LINGO2: variants seen among roughly 807,000 people sequenced by gnomAD.
LINGO2 encodes leucine rich repeat and Ig domain containing 2, also known as leucine-rich repeat and immunoglobulin-like domain-containing nogo receptor-interacting protein 2.
Under a neutral mutation model 30.6 loss-of-function variants are expected in LINGO2, and 14 were observed. The observed-to-expected ratio is 0.46, with a 90% CI of 0.30 to 0.72. The LOEUF (loss-of-function observed/expected upper bound fraction) is 0.72. LINGO2 is among the 30% of genes least tolerant of loss of function. The pLI is 0.07. For missense variants in LINGO2, 729 were observed against 751.7 expected (o/e 0.97, Z 0.35); for synonymous variants, 317 against 288.5 (o/e 1.10, Z -1.00).
chr9:28,382,246 G>T (rs1821385034), intron 2 of LINGO2, among the ~76,000 whole-genome samples: 1 of 152,028 alleles, frequency 6.6e-6, no homozygotes, highest in Non-Finnish European at 1.5e-5. Context: ...ATCTCAGCTG[G>T]CTGCATTTAT....
At chr9:28,170,873 C>T (rs1828562040) in intron 4 of LINGO2, among the ~76,000 whole-genome samples, 1 of 152,194 alleles carries the variant, frequency 6.6e-6, no homozygotes, top group Non-Finnish European at 1.5e-5. Context: ...ATCTTCCCAT[C>T]TCAAGATCCT....
chr9:28,631,416 T>C (rs1826933285), intron 1 of LINGO2, among the ~76,000 whole-genome samples: 1 of 151,612 alleles, frequency 6.6e-6, no homozygotes, highest in Non-Finnish European at 1.5e-5. Context: ...CTTGAATTAA[T>C]TTTTGTATAA....
chr9:28,353,404 G>A (rs1820001045), intron 3 of LINGO2, among the ~76,000 whole-genome samples: 1 of 150,894 alleles, frequency 6.6e-6, no homozygotes, highest in Admixed American at 6.6e-5. Context: ...ATGAAAAAAT[G>A]CTCATCATCA....
the LINGO2 span, among the ~76,000 whole-genome samples, chr9:28,755,918 G>A: frequency 1.3e-5 from 2 of 151,980 alleles, no homozygotes; most frequent in East Asian, 3.9e-4. Flanking sequence ...ATTTAAATAC[G>A]GCTTTGAAAT....
chr9:28,461,777 T>C (rs1825091048), intron 2 of LINGO2, among the ~76,000 whole-genome samples: 2 of 152,150 alleles, frequency 1.3e-5, no homozygotes, highest in Admixed American at 6.6e-5. Context: ...CAAGTAGTAG[T>C]TCCTGATTAT....
chr9:28,177,966 G>C (rs1828794452), intron 4 of LINGO2, among the ~76,000 whole-genome samples: 1 of 152,048 alleles, frequency 6.6e-6, no homozygotes, highest in African/African-American at 2.4e-5. Context: ...TTTTGTTTTA[G>C]ACCTTCCAAC....
At chr9:28,565,926 G>C (rs1823357700) in intron 1 of LINGO2, among the ~76,000 whole-genome samples, 1 of 152,024 alleles carries the variant, frequency 6.6e-6, no homozygotes, top group Non-Finnish European at 1.5e-5. Context: ...AGACACTCTT[G>C]GGGCTTTACA....
chr9:28,485,565 T>C (rs961090613), intron 1 of LINGO2, among the ~76,000 whole-genome samples: 3 of 152,050 alleles, frequency 2.0e-5, no homozygotes, highest in African/African-American at 7.2e-5. Flanking sequence ...AAGGAGACAG[T>C]ATAAGTTGAT....
the LINGO2 span, among the ~76,000 whole-genome samples, chr9:28,883,826 C>G: frequency 6.7e-6 from 1 of 149,852 alleles, no homozygotes; most frequent in Non-Finnish European, 1.5e-5. Context: ...TACAGACATG[C>G]GCCACCACAC....
the LINGO2 span, among the ~76,000 whole-genome samples, chr9:29,010,181 G>A: frequency 1.6e-4 from 25 of 152,168 alleles, no homozygotes; most frequent in African/African-American, 2.2e-4. Context: ...ATAGACAAAC[G>A]GGATCTAATT....
the LINGO2 span, among the ~76,000 whole-genome samples, chr9:28,988,547 G>A: frequency 9.9e-5 from 15 of 152,100 alleles, no homozygotes; most frequent in African/African-American, 3.6e-4. Flanking sequence ...TTACTGATAT[G>A]TAAGGCTGTA....
chr9:29,130,424 C>T, the LINGO2 span, among the ~76,000 whole-genome samples: 1 of 152,060 alleles, frequency 6.6e-6, no homozygotes, highest in Non-Finnish European at 1.5e-5. Context: ...AGCATGGAGG[C>T]CTCAATCCTC....
At chr9:28,739,962 T>C in the LINGO2 span, among the ~76,000 whole-genome samples, 1 of 150,176 alleles carries the variant, frequency 6.7e-6, no homozygotes, top group Admixed American at 6.6e-5. Flanking sequence ...TTTTTTTTTC[T>C]AGATGTTATC....
chr9:28,467,042 G>GT (rs58892416), intron 2 of LINGO2, among the ~76,000 whole-genome samples: 1 of 150,190 alleles, frequency 6.7e-6, no homozygotes, highest in African/African-American at 2.4e-5. Context: ...TTTTGGGGGG[G>GT]GGGGACGGAG....
rs143462985 is a variant in LINGO2 at position 28,490,090 on chromosome 9, C to A, written c.-364-14065G>T. 2.0e-5 allele frequency among the ~76,000 whole-genome samples: 3 copies of A among 151,690 alleles called. No individual in the cohort carries two copies. The East Asian group carries it at 5.8e-4, about 29-fold the overall frequency. ...TGGCATAAAATCAGTCAGCAAAGTC[C>A]CAGGTTAGTAAAAAGGTATATGGTG... On this transcript the variant is annotated intron_variant, in intron 1 of 5. Coordinates refer to ENST00000379992, the Ensembl canonical transcript of LINGO2.
intron 2 of LINGO2, among the ~76,000 whole-genome samples, chr9:28,431,411 G>A (rs145443930): frequency 6.6e-6 from 1 of 152,274 alleles, no homozygotes; most frequent in East Asian, 1.9e-4. Flanking sequence ...GAAAGAGAGA[G>A]CGCAATCAAA....
At chr9:28,794,218 C>A in the LINGO2 span, among the ~76,000 whole-genome samples, 2 of 152,132 alleles carry the variant, frequency 1.3e-5, no homozygotes, top group African/African-American at 4.8e-5. Flanking sequence ...GCAGGAGAAT[C>A]GCTTGAATCC....
chr9:27,965,154 T>G (rs899623169), intron 5 of LINGO2, among the ~76,000 whole-genome samples: 2 of 152,084 alleles, frequency 1.3e-5, no homozygotes, highest in African/African-American at 2.4e-5. Context: ...TTGAAGCAAT[T>G]TTCTCCTGAT....
chr9:28,660,280 G>A (rs1014969765), intron 1 of LINGO2, among the ~76,000 whole-genome samples: 2 of 151,678 alleles, frequency 1.3e-5, no homozygotes, highest in Non-Finnish European at 2.9e-5. Flanking sequence ...ATAAAACATG[G>A]TTATTAATAA....
Sources: allele counts gnomAD v4.1 joint callset (sites outside exome capture counted in the v4.1 genomes callset), GRCh38; gene constraint gnomAD v4.1.1; transcripts MANE v1.5; gene names NCBI Gene and HGNC (gene_info 2026-07-23, HGNC 2026-07-21).